Variants in ASL observed in about 807,000 individuals in gnomAD.
ASL encodes argininosuccinase.
Under a neutral mutation model 69.1 loss-of-function variants are expected in ASL, and 51 were observed. The ratio of observed to expected loss-of-function variants is 0.74; its 90% CI spans 0.59 to 0.93. ASL has a LOEUF of 0.93. Among genes scored for constraint, ASL ranks in the 40% least tolerant of loss-of-function variants. ASL has a pLI of 0.00. For synonymous variants in ASL, 241 were observed against 247.6 expected, an observed-to-expected ratio of 0.97 and a Z score of 0.25; for missense variants, 540 against 623.9, an observed-to-expected ratio of 0.87 and a Z score of 1.43.
chr7:66,081,889 C>A lies in ASL; in HGVS notation c.99C>A (p.His33Gln), dbSNP rs142077823. 2.2e-5 allele frequency: 36 copies of A among 1,613,846 alleles called. No individual in the cohort carries two copies. The African/African-American group carries it at 3.9e-4, about 17-fold the overall frequency. The stretch of plus-strand genomic sequence containing the variant: ...ACGCGTCCATTGCCTACGACCGGCA[C>A]CTTTGGGAGGTGGATGTTCAAGGCA... The part of the protein sequence containing the change: ...KFNASIAYDR[H>Q]LWEVDVQGSK... Residue 33 changes from histidine to glutamine, a missense_variant, in exon 3 of 17, where the codon CAC becomes CAA. Coordinates refer to ENST00000304874, the MANE Select transcript of ASL (RefSeq NM_000048.4).
intron 8 of ASL, chr7:66,087,108 C>T (rs1786687481): frequency 1.1e-5 from 7 of 650,150 alleles, no homozygotes; most frequent in African/African-American, 5.4e-5. Context: ...CCCAGGGTGA[C>T]TTAGTGCTTG....
At chr7:66,091,884 C>CGA in intron 14 of ASL, 122 bp from the exon 15 acceptor site, 1 of 934,116 alleles carries the variant, frequency 1.1e-6, no homozygotes, top group Non-Finnish European at 1.7e-6. Context: ...GAGACAGAGC[C>CGA]GAGTGGGTAA....
chr7:66,081,827 T>C lies in ASL; in HGVS notation c.37T>C (p.Phe13Leu), dbSNP rs571705199. The part of the protein sequence containing the change: ...SESGKLWGGR[F>L]VGAVDPIMEK... ...GAGTGGGAAGCTTTGGGGTGGCCGG[T>C]TTGTGGGTGCAGTGGACCCCATCAT... Residue 13 changes from phenylalanine (F) to leucine (L), a missense_variant, in exon 3 of 17, where the codon TTT (phenylalanine) becomes CTT (leucine). By Grantham distance (22) the Phe-to-Leu change is conservative. Transcript: ENST00000304874. The C allele has an allele frequency of 6.2e-7, 1 of 1,613,830 alleles. No individual in the cohort carries two copies. Among genetic ancestry groups the C allele is most frequent in the South Asian group, 1.1e-5 (1 of 91,076 alleles).
At chr7:66,092,112 G>A in intron 15 of ASL, 26 bp downstream of exon 15, 2 of 1,607,048 alleles carry the variant, frequency 1.2e-6, no homozygotes, top group Non-Finnish European at 1.7e-6. Flanking sequence ...CCAGGGGGAG[G>A]GTGAGGAGAT....
intron 2 of ASL, among the ~76,000 whole-genome samples, chr7:66,081,346 A>G (rs1455454869): frequency 1.3e-5 from 2 of 152,112 alleles, no homozygotes; most frequent in African/African-American, 4.8e-5. Context: ...TTCAGAGGCC[A>G]AGATGGGAGG....
intron 14 of ASL, chr7:66,091,653 A>C: frequency 3.3e-6 from 1 of 303,374 alleles, no homozygotes; most frequent in East Asian, 7.6e-5. Flanking sequence ...CCTTGAGTCC[A>C]GGCTGCAGAG....
Position 66,076,081 on chromosome 7 carries a change from C to A in ASL, c.-1C>A. 1 of 1,600,388 alleles carries A rather than the reference C, an allele frequency of 6.2e-7. No individual in the cohort carries two copies. Among genetic ancestry groups the A allele is most frequent in the South Asian group, 1.1e-5 (1 of 88,482 alleles). On this transcript the variant is annotated 5_prime_UTR_variant, in exon 2 of 17. Coordinates refer to ENST00000304874, the MANE Select transcript of ASL (RefSeq NM_000048.4). The stretch of plus-strand genomic sequence containing the variant: ...TTCCGGACGACGAGGAACCGCCCAA[C>A]ATGGCCTCGGAGGTGAGTGGGACCT...
In ASL at chr7:66,082,965, G is replaced by A. The variant is rs769740090; in HGVS notation, c.348+29G>A. ...CTTTAGCCCCTCCACCCCCTGCTCCGTGTTGTCCCAACCTTGAGGAGCCCA... is the reference window on the plus strand; with the variant it reads ...CTTTAGCCCCTCCACCCCCTGCTCCATGTTGTCCCAACCTTGAGGAGCCCA... On this transcript the variant is annotated intron_variant, in intron 5 of 16. Coordinates refer to ENST00000304874, the MANE Select transcript of ASL (RefSeq NM_000048.4). 3.2e-5 allele frequency: 51 copies of A among 1,612,334 alleles called. No homozygotes were observed. The African/African-American group carries it at 3.7e-4, about 12-fold the overall frequency.
At chr7:66,087,102 G>A in intron 8 of ASL, 2 of 647,598 alleles carry the variant, frequency 3.1e-6, no homozygotes, top group South Asian at 1.8e-5. Flanking sequence ...CCTGCACCCA[G>A]GGTGACTTAG....
rs540204170 is a variant in ASL, at chr7:66,084,167, T to C, written c.446+993T>C. On this transcript the variant is annotated intron_variant, in intron 6 of 16. Coordinates refer to ENST00000304874, the MANE Select transcript of ASL (RefSeq NM_000048.4). ...TTTGTTGTTGTTGTTTGTTGTTGTT[T>C]TTTTTTTTTTGAGACAGGGTTTTGC... is the stretch of plus-strand genomic sequence containing the variant. Among the ~76,000 whole-genome samples, 15 of 151,474 alleles carry C rather than the reference T, an allele frequency of 9.9e-5. No individual in the cohort carries two copies. In the East Asian group the frequency reaches 2.9e-3, roughly 29 times the overall value.
In ASL at chr7:66,088,790, G is replaced by A. The variant is rs1295275709; in HGVS notation, c.719-17G>A. ...GGGGATGGGAGAGGCCTGGTGACTG[G>A]GAACCTTTTCTCCCAGCCGAGTTCC... On this transcript the variant is annotated splice_polypyrimidine_tract_variant and intron_variant, in intron 10 of 16. Coordinates refer to ENST00000304874, the MANE Select transcript of ASL (RefSeq NM_000048.4). 1 of 1,606,928 alleles carries A rather than the reference G, an allele frequency of 6.2e-7. No homozygotes were observed.
intron 10 of ASL, among the ~76,000 whole-genome samples, chr7:66,088,061 G>A (rs780256366): frequency 1.9e-4 from 29 of 152,102 alleles, no homozygotes; most frequent in Non-Finnish European, 2.9e-4. Flanking sequence ...CTACTCAGGA[G>A]TTCTGAGGCC....
Position 66,083,061 on chromosome 7 carries a change from T to C in ASL, c.349-16T>C. The C allele has an allele frequency of 6.2e-7, 1 of 1,613,598 alleles. No homozygotes were observed. Among genetic ancestry groups the C allele is most frequent in the Non-Finnish European group, 8.5e-7 (1 of 1,179,906 alleles). On this transcript the variant is annotated splice_polypyrimidine_tract_variant and intron_variant, in intron 5 of 16. Coordinates refer to ENST00000304874, the MANE Select transcript of ASL (RefSeq NM_000048.4). Reference sequence around the variant, plus strand: ...AACACATCGGCCTCCCTGAGCACCATCTCCTCCTTGCACAGGTGGTCACAG... The same window carrying C: ...AACACATCGGCCTCCCTGAGCACCACCTCCTCCTTGCACAGGTGGTCACAG...
chr7:66,081,604 C>G (rs1249283100), intron 2 of ASL, among the ~76,000 whole-genome samples, 199 bp from the exon 3 acceptor site: 1 of 151,330 alleles, frequency 6.6e-6, no homozygotes, highest in Non-Finnish European at 1.5e-5. Flanking sequence ...AGAACCCAAA[C>G]TTTTGGTGTT....
At chr7:66,077,614 AGC>A (rs1343692032) in intron 2 of ASL, among the ~76,000 whole-genome samples, 1 of 151,752 alleles carries the variant, frequency 6.6e-6, no homozygotes, top group East Asian at 1.9e-4. Flanking sequence ...CTGTAGTCCC[AGC>A]TATTCGGGAG....
chr7:66,075,928 C>A, intron 1 of ASL, 72 bp downstream of exon 1: 1 of 981,922 alleles, frequency 1.0e-6, no homozygotes, highest in Non-Finnish European at 1.5e-6. Context: ...CGCTCACGTC[C>A]GCGTCCCCAA....
intron 2 of ASL, 78 bp downstream of exon 2, chr7:66,076,171 C>G (rs1786341501): frequency 6.5e-7 from 1 of 1,538,320 alleles, no homozygotes; most frequent in East Asian, 2.4e-5. Context: ...CCTCGGGCCA[C>G]CCTGCTGGGA....
chr7:66,091,333 G>A (rs1489418431), intron 14 of ASL, among the ~76,000 whole-genome samples: 1 of 152,112 alleles, frequency 6.6e-6, no homozygotes, highest in African/African-American at 2.4e-5. Context: ...TGAGGCAGGA[G>A]AAGCGCTTGA....
At chr7:66,087,991 A>T (rs1786720423) in intron 10 of ASL, among the ~76,000 whole-genome samples, 200 bp downstream of exon 10, 1 of 152,044 alleles carries the variant, frequency 6.6e-6, no homozygotes, top group Non-Finnish European at 1.5e-5. Context: ...GTGAAACCCC[A>T]TCTCTACTAA....
Sources: allele counts gnomAD v4.1 joint callset (sites outside exome capture counted in the v4.1 genomes callset), GRCh38; gene constraint gnomAD v4.1.1; transcripts MANE v1.5; gene names NCBI Gene and HGNC (gene_info 2026-07-23, HGNC 2026-07-21).